Variants in FAM169A observed in about 807,000 individuals in gnomAD.
The protein encoded by FAM169A is soluble lamin-associated protein of 75 kDa.
In FAM169A, 24 loss-of-function variants were observed where a neutral mutation model predicts 75.7. The ratio of observed to expected loss-of-function variants is 0.32; its 90% CI spans 0.23 to 0.45. FAM169A has a LOEUF of 0.45. Ranked by LOEUF, FAM169A falls within the 20% of genes least tolerant of loss-of-function variation. The pLI, the probability that FAM169A is intolerant of heterozygous loss-of-function variation, is 1.00. For missense variants in FAM169A, 673 were observed against 784.0 expected (o/e 0.86, Z 1.69); for synonymous variants, 271 against 271.0 (o/e 1.00, Z 0.00).
chr5:74,851,429 T>G (rs1219112127), intron 1 of FAM169A, among the ~76,000 whole-genome samples: 1 of 152,136 alleles, frequency 6.6e-6, no homozygotes, highest in African/African-American at 2.4e-5. Flanking sequence ...TCAAAGGTGC[T>G]CAACAGTTGG....
upstream of FAM169A, chr5:74,866,604 G>A: frequency 1.5e-6 from 1 of 647,546 alleles, no homozygotes; most frequent in Non-Finnish European, 1.9e-6. Flanking sequence ...CCCTCTCTCC[G>A]CCCCGGCCGC....
At chr5:74,798,289 C>T (rs879768030) in intron 10 of FAM169A, among the ~76,000 whole-genome samples, 4 of 152,122 alleles carry the variant, frequency 2.6e-5, no homozygotes, top group African/African-American at 9.7e-5. Flanking sequence ...TATGTTTCAG[C>T]AAACAGTCAA....
chr5:74,857,277 A>G (rs977030064), intron 1 of FAM169A, among the ~76,000 whole-genome samples: 1 of 151,674 alleles, frequency 6.6e-6, no homozygotes, highest in African/African-American at 2.4e-5. Context: ...TTGGCTGGGC[A>G]TGGTGGCTCA....
In FAM169A at chr5:74,866,378, G is replaced by T. The variant is rs1750348884; in HGVS notation, c.-217C>A. 6 of 984,166 alleles carry T rather than the reference G, an allele frequency of 6.1e-6. No individual in the cohort carries two copies. Among genetic ancestry groups the T allele is most frequent in the Admixed American group, 1.2e-4 (2 of 16,162 alleles). 61.0% of individuals were successfully genotyped at this position (984,166 alleles called of 1,614,324 possible). A position where few individuals can be genotyped will look rare whatever the true frequency, so the allele number is the denominator to read the frequency against. Reference sequence around the variant, plus strand: ...GCGGCCCACCGTGCCCTCCGACGACGTGACGCACTAGCGCCGCAGCGCCTC... The same window carrying T: ...GCGGCCCACCGTGCCCTCCGACGACTTGACGCACTAGCGCCGCAGCGCCTC... On this transcript the variant is annotated 5_prime_UTR_variant, in exon 1 of 13. Transcript: ENST00000687041.
At chr5:74,788,148 G>A (rs780696177) in intron 11 of FAM169A, among the ~76,000 whole-genome samples, 1 of 152,166 alleles carries the variant, frequency 6.6e-6, no homozygotes, top group South Asian at 2.1e-4. Flanking sequence ...GACCCAAAAC[G>A]TCACTGTGGT....
intron 8 of FAM169A, among the ~76,000 whole-genome samples, chr5:74,801,935 G>C (rs1746601300): frequency 6.6e-6 from 1 of 152,104 alleles, no homozygotes; most frequent in African/African-American, 2.4e-5. Context: ...TCTGCTTATT[G>C]ATGAATTCAA....
intron 1 of FAM169A, among the ~76,000 whole-genome samples, chr5:74,851,396 G>A (rs1457608479): frequency 1.3e-5 from 2 of 152,120 alleles, no homozygotes; most frequent in Non-Finnish European, 2.9e-5. Flanking sequence ...TCATAAGGCT[G>A]AAATGAAACT....
intron 2 of FAM169A, among the ~76,000 whole-genome samples, chr5:74,841,292 T>C (rs1270473447): frequency 2.0e-5 from 3 of 152,162 alleles, no homozygotes; most frequent in African/African-American, 7.2e-5. Context: ...TCAAATATAG[T>C]AAACAGTCTT....
intron 1 of FAM169A, among the ~76,000 whole-genome samples, chr5:74,853,000 G>A (rs540164030): frequency 3.9e-5 from 6 of 152,062 alleles, no homozygotes; most frequent in Non-Finnish European, 7.4e-5. Context: ...ATAATAATGT[G>A]GTTCATTTTT....
rs1293512445 is a variant in FAM169A at position 74,781,200 on chromosome 5, T to C, written c.*260A>G. On this transcript the variant is annotated 3_prime_UTR_variant, in exon 13 of 13. Coordinates refer to ENST00000687041, the MANE Select transcript of FAM169A (RefSeq NM_001376049.1). ...CAGATGTACCACCTGATAAAGAAAA[T>C]ATAATATGATCTGGTTTCCCAAAAT... 2 of 407,960 alleles carry C rather than the reference T, an allele frequency of 4.9e-6. No individual in the cohort carries two copies. Among genetic ancestry groups the C allele is most frequent in the Non-Finnish European group, 8.7e-6 (2 of 229,306 alleles). 25.3% of individuals were successfully genotyped at this position (407,960 alleles called of 1,614,324 possible). A position where few individuals can be genotyped will look rare whatever the true frequency, so the allele number is the denominator to read the frequency against.
chr5:74,832,132 T>G (rs1031875969), intron 5 of FAM169A, among the ~76,000 whole-genome samples: 15 of 152,094 alleles, frequency 9.9e-5, no homozygotes, highest in African/African-American at 3.1e-4. Context: ...TTTGAAACAT[T>G]TGGTGCTTTT....
intron 5 of FAM169A, among the ~76,000 whole-genome samples, chr5:74,829,771 C>T (rs548914987): frequency 6.6e-6 from 1 of 152,244 alleles, no homozygotes; most frequent in African/African-American, 2.4e-5. Context: ...GTCAGGAGAT[C>T]GAGACCAGCT....
chr5:74,799,203 T>G (rs1486926778), intron 10 of FAM169A: 2 of 1,257,832 alleles, frequency 1.6e-6, no homozygotes, highest in African/African-American at 2.9e-5. Context: ...TCGTCACTTG[T>G]GGGGCAGACC....
chr5:74,834,501 G>T lies in FAM169A; in HGVS notation c.415C>A (p.His139Asn). The T allele has an allele frequency of 6.2e-7, 1 of 1,604,552 alleles. No individual in the cohort carries two copies. Among genetic ancestry groups the T allele is most frequent in the Non-Finnish European group, 8.5e-7 (1 of 1,175,856 alleles). Residue 139 changes from histidine to asparagine, a missense_variant, in exon 5 of 13, where the codon CAT becomes AAT. His to Asn is a moderately conservative substitution (Grantham distance 68). Around this residue, in one of 3 missense-constraint regions of FAM169A, gnomAD observed 107 missense variants for 180.8 expected, o/e 0.59. Coordinates refer to ENST00000687041, the MANE Select transcript of FAM169A (RefSeq NM_001376049.1). ...ATCTTAGCATAATCAGTACTGCTAT[G>T]ACACAGGAATGGGATCTCATTTCTC... ...MERNEIPFLC[H>N]SSTDYAKILW...
At chr5:74,808,323 C>T (rs1746991601) in intron 6 of FAM169A, among the ~76,000 whole-genome samples, 1 of 152,156 alleles carries the variant, frequency 6.6e-6, no homozygotes, top group Non-Finnish European at 1.5e-5. Context: ...ACTGTATATG[C>T]TACAACATGA....
chr5:74,835,908 C>T (rs1434268150), intron 4 of FAM169A, among the ~76,000 whole-genome samples: 1 of 152,176 alleles, frequency 6.6e-6, no homozygotes, highest in African/African-American at 2.4e-5. Flanking sequence ...TCTGCAGCCA[C>T]ATAGCCTATA....
At chr5:74,858,130 A>C (rs914327903) in intron 1 of FAM169A, among the ~76,000 whole-genome samples, 14 of 151,736 alleles carry the variant, frequency 9.2e-5, no homozygotes, top group Non-Finnish European at 4.4e-5. Context: ...GCTCATGCCT[A>C]TAATCCCAGT....
At chr5:74,820,551 G>A (rs544960125) in intron 5 of FAM169A, among the ~76,000 whole-genome samples, 1 of 151,976 alleles carries the variant, frequency 6.6e-6, no homozygotes, top group East Asian at 1.9e-4. Context: ...AAATCCTGCA[G>A]GAATCACTTC....
At chr5:74,782,540 T>TC (rs1346683382) in intron 12 of FAM169A, among the ~76,000 whole-genome samples, 2 of 152,208 alleles carry the variant, frequency 1.3e-5, no homozygotes, top group Non-Finnish European at 2.9e-5. Context: ...TTTAAAATAC[T>TC]CCAACAAGTT....
Sources: allele counts gnomAD v4.1 joint callset (sites outside exome capture counted in the v4.1 genomes callset), GRCh38; gene constraint gnomAD v4.1.1; regional missense constraint gnomAD v4.1.1; transcripts MANE v1.5; gene names NCBI Gene and HGNC (gene_info 2026-07-23, HGNC 2026-07-21).